Variants in AGMO observed in about 807,000 individuals in gnomAD.
AGMO encodes the protein alkylglycerol monooxygenase, also known as glyceryl-ether monooxygenase.
AGMO carries 75 observed loss-of-function variants against 60.2 expected under a neutral mutation model. The ratio of observed to expected loss-of-function variants is 1.25; its 90% CI spans 1.03 to 1.51. The LOEUF (loss-of-function observed/expected upper bound fraction) is 1.51, where lower values mean the gene tolerates loss of function less well. AGMO is among the 40% of genes most tolerant of loss of function. The probability of loss-of-function intolerance (pLI) is 0.00; values close to 1 mark genes in which losing one functional copy is unlikely to be tolerated. For synonymous variants in AGMO, 261 were observed against 177.1 expected (o/e 1.47, Z -3.76); for missense variants, 763 against 525.5 (o/e 1.45, Z -4.42).
chr7:15,323,703 T>C (rs1321294724), intron 12 of AGMO, among the ~76,000 whole-genome samples: 2 of 152,210 alleles, frequency 1.3e-5, no homozygotes, highest in African/African-American at 2.4e-5. Context: ...GGCTATGGGA[T>C]GGAAAAGACT....
the AGMO span, among the ~76,000 whole-genome samples, chr7:15,194,229 G>A: frequency 3.3e-5 from 5 of 152,206 alleles, no homozygotes; most frequent in African/African-American, 9.6e-5. Context: ...ATATTGATCC[G>A]TTTGGAAAAT....
chr7:15,412,684 TAAAAAAAAAA>T (rs765917941), intron 5 of AGMO, among the ~76,000 whole-genome samples: 2 of 111,374 alleles, frequency 1.8e-5, no homozygotes, highest in Admixed American at 9.6e-5. Context: ...TTTCATTATT[TAAAAAAAAAA>T]AAAAAAAAAA....
intron 5 of AGMO, among the ~76,000 whole-genome samples, chr7:15,404,514 G>A (rs1784633481): frequency 6.6e-6 from 1 of 151,792 alleles, no homozygotes; most frequent in Non-Finnish European, 1.5e-5. Flanking sequence ...AACATTTATA[G>A]GTTTAACCAT....
At chr7:15,319,269 A>G (rs1781033397) in intron 12 of AGMO, among the ~76,000 whole-genome samples, 1 of 152,186 alleles carries the variant, frequency 6.6e-6, no homozygotes, top group Admixed American at 6.6e-5. Context: ...TGGAATTACC[A>G]GAGTAGGAAA....
intron 12 of AGMO, among the ~76,000 whole-genome samples, chr7:15,356,009 G>A (rs1782515929): frequency 6.6e-6 from 1 of 152,230 alleles, no homozygotes; most frequent in East Asian, 1.9e-4. Context: ...ACAGAAAATA[G>A]TAATTAGAAA....
At chr7:15,154,314 T>C in the AGMO span, among the ~76,000 whole-genome samples, 2 of 152,236 alleles carry the variant, frequency 1.3e-5, no homozygotes, top group African/African-American at 4.8e-5. Flanking sequence ...TACTTAGGAA[T>C]ATACCTAAGC....
intron 3 of AGMO, among the ~76,000 whole-genome samples, chr7:15,438,546 CTG>C (rs1781461698): frequency 6.6e-6 from 1 of 152,138 alleles, no homozygotes; most frequent in Non-Finnish European, 1.5e-5. Context: ...GTTTACGGAA[CTG>C]TTTCATAATG....
chr7:15,322,985 A>ATT (rs1255647218), intron 12 of AGMO, among the ~76,000 whole-genome samples: 1 of 79,902 alleles, frequency 1.3e-5, no homozygotes, highest in African/African-American at 4.8e-5. Context: ...ATATGTATTT[A>ATT]TTTTTTATTT....
At chr7:15,481,863 C>G (rs1462258506) in intron 3 of AGMO, among the ~76,000 whole-genome samples, 1 of 132,776 alleles carries the variant, frequency 7.5e-6, no homozygotes, top group Non-Finnish European at 1.5e-5. Context: ...TGTATGTTCT[C>G]TGAACACACT....
intron 3 of AGMO, among the ~76,000 whole-genome samples, chr7:15,493,320 G>A (rs1339577173): frequency 4.2e-5 from 5 of 119,192 alleles, no homozygotes; most frequent in Middle Eastern, 5.5e-3. Context: ...ACACACACGC[G>A]CACAAACACA....
intron 12 of AGMO, among the ~76,000 whole-genome samples, chr7:15,281,133 A>C (rs1452667657): frequency 6.6e-6 from 1 of 152,058 alleles, no homozygotes; most frequent in Non-Finnish European, 1.5e-5. Context: ...AGATGGCAGG[A>C]CTTGAGTCCC....
At chr7:15,298,387 TTGTGTGTCTG>T (rs1055570223) in intron 12 of AGMO, among the ~76,000 whole-genome samples, 1 of 152,086 alleles carries the variant, frequency 6.6e-6, no homozygotes, top group Non-Finnish European at 1.5e-5. Flanking sequence ...TATGATTTTC[TTGTGTGTCTG>T]TGTGTGTTTG....
At chr7:15,334,536 T>C (rs939639106) in intron 12 of AGMO, among the ~76,000 whole-genome samples, 3 of 152,146 alleles carry the variant, frequency 2.0e-5, no homozygotes, top group African/African-American at 7.2e-5. Context: ...CATCAGAATA[T>C]CTGTTAGTTA....
chr7:15,435,151 G>C (rs947702663), intron 3 of AGMO, among the ~76,000 whole-genome samples: 16 of 151,608 alleles, frequency 1.1e-4, no homozygotes, highest in African/African-American at 3.6e-4. Flanking sequence ...TCCAGTTTTT[G>C]ACAGATAAAA....
intron 10 of AGMO, among the ~76,000 whole-genome samples, chr7:15,370,625 A>T (rs1418578152): frequency 6.6e-6 from 1 of 152,002 alleles, no homozygotes; most frequent in East Asian, 1.9e-4. Flanking sequence ...TTTGATTTGC[A>T]TTTCTCTAAT....
chr7:15,551,203 C>G (rs1344012436), intron 2 of AGMO, among the ~76,000 whole-genome samples: 2 of 152,030 alleles, frequency 1.3e-5, no homozygotes, highest in Non-Finnish European at 2.9e-5. Flanking sequence ...AAACCCACAG[C>G]CAATATCATA....
At chr7:15,385,132 A>T (rs59931946) in intron 10 of AGMO, among the ~76,000 whole-genome samples, 4,377 of 152,248 alleles carry the variant, frequency 0.029, 207 homozygotes, top group African/African-American at 0.1. Context: ...CACACATTTA[A>T]TTCTGACTTC....
intron 12 of AGMO, among the ~76,000 whole-genome samples, chr7:15,347,092 A>G (rs1782062115): frequency 6.6e-6 from 1 of 151,994 alleles, no homozygotes; most frequent in Non-Finnish European, 1.5e-5. Flanking sequence ...TCAAACTTTA[A>G]ATGACTCTGT....
intron 3 of AGMO, among the ~76,000 whole-genome samples, chr7:15,476,976 T>C (rs935546530): frequency 1.3e-5 from 2 of 152,102 alleles, no homozygotes; most frequent in African/African-American, 4.8e-5. Flanking sequence ...TTCTTTATGA[T>C]CATGACCAGC....
Sources: gnomAD v4.1 joint callset for allele counts (sites outside exome capture counted in the v4.1 genomes callset) on GRCh38, gnomAD v4.1.1 for gene constraint, MANE v1.5 for transcripts, NCBI Gene and HGNC (gene_info 2026-07-23, HGNC 2026-07-21) for gene names.